Variants in APBB1IP observed in about 807,000 individuals in gnomAD.
APBB1IP encodes amyloid beta precursor protein binding family B member 1 interacting protein.
In APBB1IP, 27 loss-of-function variants were observed where a neutral mutation model predicts 64.9. The ratio of observed to expected loss-of-function variants is 0.42; its 90% CI spans 0.31 to 0.57. The LOEUF is 0.57. Among genes scored for constraint, APBB1IP ranks in the 20% least tolerant of loss-of-function variants. The probability of loss-of-function intolerance (pLI) is 0.20; values close to 1 mark genes in which losing one functional copy is unlikely to be tolerated. For synonymous variants in APBB1IP, 392 were observed against 331.0 expected, an observed-to-expected ratio of 1.18 and a Z score of -2.00; for missense variants, 812 against 845.5, an observed-to-expected ratio of 0.96 and a Z score of 0.49.
intron 2 of APBB1IP, among the ~76,000 whole-genome samples, chr10:26,460,423 A>T (rs1280313983): frequency 6.6e-6 from 1 of 152,182 alleles, no homozygotes; most frequent in Non-Finnish European, 1.5e-5. Flanking sequence ...CCACAATAGG[A>T]TGGAGTGGAG....
At chr10:26,470,219 A>G (rs974367123) in intron 2 of APBB1IP, among the ~76,000 whole-genome samples, 2 of 152,230 alleles carry the variant, frequency 1.3e-5, no homozygotes, top group South Asian at 2.1e-4. Flanking sequence ...AGTGAATTAC[A>G]TAAGATGTTC....
At position 26,567,226 on chromosome 10, in the gene APBB1IP, C is replaced by G; in HGVS notation, c.1739C>G (p.Pro580Arg). ...CCCCCGGACTTCATGGAGCCGCCCCCAGACTTCGTGCCCCCGCCCCCGCCG... is the reference window on the plus strand; with the variant it reads ...CCCCCGGACTTCATGGAGCCGCCCCGAGACTTCGTGCCCCCGCCCCCGCCG... ...PPPPDFMEPP[P>R]DFVPPPPPSY... The change falls in exon 15 of 15, where the codon CCA becomes CGA. Residue 580 changes from proline (P) to arginine (R), a missense_variant. Physicochemically the swap from Pro to Arg is moderately radical, Grantham distance 103 (BLOSUM62 -2). Coordinates refer to ENST00000376236, the MANE Select transcript of APBB1IP (RefSeq NM_019043.4). 3 of 1,365,268 alleles carry G rather than the reference C, an allele frequency of 2.2e-6. No individual in the cohort carries two copies. Among genetic ancestry groups the G allele is most frequent in the Non-Finnish European group, 2.8e-6 (3 of 1,060,316 alleles). 84.6% of individuals were successfully genotyped at this position (1,365,268 alleles called of 1,614,324 possible).
At chr10:26,474,563 A>G (rs1392758502) in intron 2 of APBB1IP, among the ~76,000 whole-genome samples, 1 of 152,264 alleles carries the variant, frequency 6.6e-6, no homozygotes, top group Non-Finnish European at 1.5e-5. Flanking sequence ...AGCATTCAAC[A>G]ATGTACACAT....
In APBB1IP at chr10:26,553,576, T is replaced by G. The variant is rs567244617; in HGVS notation, c.1156-6529T>G. On this transcript the variant is annotated intron_variant, in intron 11 of 14. Coordinates refer to ENST00000376236, the MANE Select transcript of APBB1IP (RefSeq NM_019043.4). ...GGCCGATCGGGGTGGGAGAATCACTTGAGCCCAGGCGTTGGAAGTTGCAGG... is the reference window on the plus strand; with the variant it reads ...GGCCGATCGGGGTGGGAGAATCACTGGAGCCCAGGCGTTGGAAGTTGCAGG... Among the ~76,000 whole-genome samples the G allele has an allele frequency of 2.0e-5, 3 of 152,136 alleles. No homozygotes were observed. In the South Asian group the frequency reaches 6.2e-4, roughly 32 times the overall value.
intron 2 of APBB1IP, among the ~76,000 whole-genome samples, chr10:26,466,073 G>A (rs1680845971): frequency 6.6e-6 from 1 of 152,142 alleles, no homozygotes; most frequent in South Asian, 2.1e-4. Context: ...GCAGTTGGGG[G>A]TGACCCAAAA....
At chr10:26,563,150 T>TAAC (rs1836995471) in intron 14 of APBB1IP, among the ~76,000 whole-genome samples, 1 of 152,152 alleles carries the variant, frequency 6.6e-6, no homozygotes, top group Non-Finnish European at 1.5e-5. Context: ...TATGAAGTGC[T>TAAC]AACTGGCCCC....
intron 2 of APBB1IP, among the ~76,000 whole-genome samples, chr10:26,485,521 A>C (rs745564728): frequency 2.6e-5 from 4 of 152,198 alleles, no homozygotes; most frequent in Non-Finnish European, 5.9e-5. Context: ...AACAACTCCC[A>C]GTTTTCTAAG....
intron 6 of APBB1IP, among the ~76,000 whole-genome samples, chr10:26,507,542 G>A (rs1179582228): frequency 6.6e-6 from 1 of 152,168 alleles, no homozygotes; most frequent in Admixed American, 6.5e-5. Flanking sequence ...GTAGAAAATG[G>A]ATTGTAGGGG....
At position 26,511,797 on chromosome 10, in the gene APBB1IP, G is replaced by A; in HGVS notation, c.582G>A (p.Val194=). 2 of 1,614,154 alleles carry A rather than the reference G, an allele frequency of 1.2e-6. No individual in the cohort carries two copies. The highest frequency in any genetic ancestry group is 1.7e-6 in the Non-Finnish European group (2 of 1,180,004). Residue 194 remains valine, a synonymous_variant, in exon 7 of 15, where the codon GTG becomes GTA. Transcript: ENST00000376236. ...MNDNSTKSLM[V]DERQLARDVL... ...ATAACAGCACAAAGTCACTGATGGTGGATGAGCGGCAGCTGGCCCGAGATG... is the reference window on the plus strand; with the variant it reads ...ATAACAGCACAAAGTCACTGATGGTAGATGAGCGGCAGCTGGCCCGAGATG...
chr10:26,448,711 CT>C (rs1210313188), intron 2 of APBB1IP, among the ~76,000 whole-genome samples: 2 of 152,180 alleles, frequency 1.3e-5, no homozygotes, highest in Non-Finnish European at 2.9e-5. Context: ...ACAAAACAAC[CT>C]CAGATAGTCA....
At chr10:26,537,689 T>G (rs1021772356) in intron 10 of APBB1IP, among the ~76,000 whole-genome samples, 9 of 152,260 alleles carry the variant, frequency 5.9e-5, no homozygotes, top group Admixed American at 2.6e-4. Context: ...TCCCAGCACT[T>G]TGGGAGGCTG....
At chr10:26,531,957 C>A (rs1183281269) in intron 8 of APBB1IP, among the ~76,000 whole-genome samples, 1 of 152,082 alleles carries the variant, frequency 6.6e-6, no homozygotes, top group African/African-American at 2.4e-5. Flanking sequence ...AAAGAAAAGC[C>A]AACGATAAGA....
At position 26,567,009 on chromosome 10, in the gene APBB1IP, G is replaced by T; in HGVS notation, c.1522G>T (p.Ala508Ser). Residue 508 changes from alanine to serine, a missense_variant, in exon 15 of 15, where the codon GCC (alanine) becomes TCC (serine). Ala to Ser is a moderately conservative substitution (Grantham distance 99). Coordinates refer to ENST00000376236, the MANE Select transcript of APBB1IP (RefSeq NM_019043.4). ...CCACCACGACCCGGCAGTGCCCCGG[G>T]CCCCGCACGCCCCCAAGTCCAGCCT... Reference protein sequence around the residue: ...GNHHDPAVPRAPHAPKSSLPP... With the variant: ...GNHHDPAVPRSPHAPKSSLPP... The T allele has an allele frequency of 6.4e-7, 1 of 1,572,826 alleles. No individual in the cohort carries two copies. The highest frequency in any genetic ancestry group is 8.6e-7 in the Non-Finnish European group (1 of 1,169,240).
At chr10:26,533,313 A>G (rs983731313) in intron 8 of APBB1IP, 126 bp from the exon 9 acceptor site, 33 of 509,280 alleles carry the variant, frequency 6.5e-5, no homozygotes, top group Non-Finnish European at 8.1e-5. Context: ...GACTGATATC[A>G]TATGCTCTGG....
At chr10:26,523,803 TA>T (rs150672888) in intron 8 of APBB1IP, among the ~76,000 whole-genome samples, 2 of 150,798 alleles carry the variant, frequency 1.3e-5, no homozygotes, top group Admixed American at 6.6e-5. Flanking sequence ...CTCATTTCTT[TA>T]AAAAAAAATA....
Position 26,567,165 on chromosome 10 carries a change from C to T in APBB1IP, c.1678C>T (p.Pro560Ser). The T allele has an allele frequency of 7.0e-7, 1 of 1,418,840 alleles. No individual in the cohort carries two copies. Among genetic ancestry groups the T allele is most frequent in the Non-Finnish European group, 9.1e-7 (1 of 1,093,110 alleles). 87.9% of individuals were successfully genotyped at this position (1,418,840 alleles called of 1,614,324 possible). Reference protein sequence around the residue: ...PDDFLPPPPPPPPLDDPELPP... With the variant: ...PDDFLPPPPPSPPLDDPELPP... ...CGACTTCCTGCCGCCGCCGCCACCGCCGCCGCCCCTCGATGACCCTGAGCT... is the reference window on the plus strand; with the variant it reads ...CGACTTCCTGCCGCCGCCGCCACCGTCGCCGCCCCTCGATGACCCTGAGCT... Residue 560 changes from proline (P) to serine (S), a missense_variant, in exon 15 of 15, where the codon CCG becomes TCG. Transcript: ENST00000376236.
In APBB1IP at chr10:26,560,405, A is replaced by G. The variant is rs147757248; in HGVS notation, c.1254+202A>G. 1.8e-4 allele frequency among the ~76,000 whole-genome samples: 28 copies of G among 152,276 alleles called. No individual in the cohort carries two copies. In the East Asian group the frequency reaches 5.0e-3, roughly 27 times the overall value. On this transcript the variant is annotated intron_variant, in intron 12 of 14. Coordinates refer to ENST00000376236, the MANE Select transcript of APBB1IP (RefSeq NM_019043.4). ...CTCTCCAGTAACCGGATATTTACTCATGGCGAGTATTGCAAGCTTAGTGTG... is the reference window on the plus strand; with the variant it reads ...CTCTCCAGTAACCGGATATTTACTCGTGGCGAGTATTGCAAGCTTAGTGTG...
chr10:26,536,179 G>A lies in APBB1IP; in HGVS notation c.1006G>A (p.Ala336Thr). The change falls in exon 10 of 15, where the codon GCT becomes ACT. Residue 336 changes from alanine to threonine, a missense_variant. Around this residue, in one of 3 missense-constraint regions of APBB1IP, gnomAD observed 394 missense variants for 413.1 expected, o/e 0.95. Coordinates refer to ENST00000376236, the MANE Select transcript of APBB1IP (RefSeq NM_019043.4). Reference sequence around the variant, plus strand: ...GAAAAGGCGCTATTTTCTTTTACGGGCTTCTGGAATTTATTATGTACCCAA... The same window carrying A: ...GAAAAGGCGCTATTTTCTTTTACGGACTTCTGGAATTTATTATGTACCCAA... ...SWKRRYFLLR[A>T]SGIYYVPKGK... 6.2e-7 allele frequency: 1 copy of A among 1,604,092 alleles called. No homozygotes were observed. The highest frequency in any genetic ancestry group is 1.7e-4 in the Middle Eastern group (1 of 5,870).
chr10:26,539,500 GAAGA>G (rs1836671114), intron 10 of APBB1IP, among the ~76,000 whole-genome samples: 1 of 151,150 alleles, frequency 6.6e-6, no homozygotes, highest in Non-Finnish European at 1.5e-5. Context: ...AGGAAGGAAG[GAAGA>G]AAGGGAGAAA....
Sources: gnomAD v4.1 joint callset for allele counts (sites outside exome capture counted in the v4.1 genomes callset) on GRCh38, gnomAD v4.1.1 for gene constraint, gnomAD v4.1.1 regional missense constraint, MANE v1.5 for transcripts, NCBI Gene and HGNC (gene_info 2026-07-23, HGNC 2026-07-21) for gene names.